KIAA0825: variants seen among roughly 807,000 people sequenced by gnomAD.
The protein encoded by KIAA0825 is uncharacterized protein KIAA0825.
A neutral mutation model predicts 147.6 loss-of-function variants in KIAA0825; 119 were observed. The observed-to-expected ratio is 0.81, with a 90% CI of 0.69 to 0.94. The LOEUF (loss-of-function observed/expected upper bound fraction) is 0.94, where lower values mean the gene tolerates loss of function less well. Among genes scored for constraint, KIAA0825 ranks in the 40% least tolerant of loss-of-function variants. The probability of loss-of-function intolerance (pLI) is 0.00; values close to 1 mark genes in which losing one functional copy is unlikely to be tolerated. For synonymous variants in KIAA0825, 470 were observed against 518.1 expected, an observed-to-expected ratio of 0.91 and a Z score of 1.26; for missense variants, 1,381 against 1,472.7, an observed-to-expected ratio of 0.94 and a Z score of 1.02.
At chr5:94,430,513 C>T (rs150510264) in intron 14 of KIAA0825, among the ~76,000 whole-genome samples, 1 of 152,226 alleles carries the variant, frequency 6.6e-6, no homozygotes, top group Non-Finnish European at 1.5e-5. Context: ...ATCAAGTGCG[C>T]AATTTACTCA....
At chr5:94,471,810 C>T in intron 8 of KIAA0825, 79 bp from the exon 9 acceptor site, 1 of 1,288,840 alleles carries the variant, frequency 7.8e-7, no homozygotes, top group African/African-American at 1.5e-5. Context: ...GAGCCAAATT[C>T]CTAAATAATG....
chr5:94,391,764 G>A, intron 17 of KIAA0825, 70 bp from the exon 18 acceptor site: 5 of 1,232,012 alleles, frequency 4.1e-6, no homozygotes, highest in South Asian at 3.2e-5. Context: ...TCATGGAGAT[G>A]GAGTGTGGAG....
chr5:94,520,053 A>T (rs1194315406), intron 5 of KIAA0825, 195 bp downstream of exon 5: 2 of 1,137,956 alleles, frequency 1.8e-6, no homozygotes, highest in Non-Finnish European at 2.2e-6. Flanking sequence ...TAACAATTTA[A>T]TAAGAAAGAA....
intron 20 of KIAA0825, among the ~76,000 whole-genome samples, chr5:94,303,026 T>A (rs73773620): frequency 0.01 from 1,577 of 152,084 alleles, 23 homozygotes; most frequent in African/African-American, 0.036. Flanking sequence ...AGACACATTG[T>A]TTACATTACT....
intron 3 of KIAA0825, among the ~76,000 whole-genome samples, chr5:94,531,062 T>C (rs1458856249): frequency 3.3e-5 from 5 of 152,210 alleles, no homozygotes; most frequent in Non-Finnish European, 5.9e-5. Flanking sequence ...AATTCTCTAT[T>C]GTCTTATGCT....
chr5:94,612,430 T>C (rs1789100339), intron 1 of KIAA0825, among the ~76,000 whole-genome samples: 1 of 152,132 alleles, frequency 6.6e-6, no homozygotes, highest in South Asian at 2.1e-4. Context: ...ACTTTGATAT[T>C]CTTACTCAAC....
chr5:94,519,406 AT>A, intron 5 of KIAA0825: 1 of 920,064 alleles, frequency 1.1e-6, no homozygotes, highest in Non-Finnish European at 1.3e-6. Flanking sequence ...ACTAATGATA[AT>A]TTTAGAAATA....
At chr5:94,513,201 G>C (rs1193030415) in intron 5 of KIAA0825, among the ~76,000 whole-genome samples, 1 of 151,954 alleles carries the variant, frequency 6.6e-6, no homozygotes, top group African/African-American at 2.4e-5. Context: ...TTTTTAAATA[G>C]ATAATTTATT....
chr5:94,226,704 AAAAC>A (rs1365663516), intron 20 of KIAA0825, among the ~76,000 whole-genome samples: 2 of 152,126 alleles, frequency 1.3e-5, no homozygotes, highest in Admixed American at 6.5e-5. Flanking sequence ...TTACAAGAAA[AAAAC>A]AAACAACCCC....
In KIAA0825 at chr5:94,264,150, G is replaced by A. The variant is rs146582192; in HGVS notation, c.3711-110026C>T. ...TCAATCTCATGAGTCATCTCTTAACGTACAATCTTTTCTGTCTGCCCCCAA... is the reference window on the plus strand; with the variant it reads ...TCAATCTCATGAGTCATCTCTTAACATACAATCTTTTCTGTCTGCCCCCAA... On this transcript the variant is annotated intron_variant, in intron 20 of 20. Coordinates refer to ENST00000682413, the MANE Select transcript of KIAA0825 (RefSeq NM_001145678.3). Among the ~76,000 whole-genome samples the A allele has an allele frequency of 1.8e-3, 281 of 152,048 alleles. 4 individuals are homozygous for A. Among genetic ancestry groups the A allele is most frequent in the African/African-American group, 6.3e-3 (263 of 41,470 alleles).
At chr5:94,404,410 G>A (rs1032714066) in intron 15 of KIAA0825, among the ~76,000 whole-genome samples, 5 of 151,902 alleles carry the variant, frequency 3.3e-5, no homozygotes, top group African/African-American at 7.3e-5. Flanking sequence ...TATCAATGAC[G>A]GATGGAATTT....
chr5:94,214,491 C>T (rs1773030119), intron 20 of KIAA0825, among the ~76,000 whole-genome samples: 1 of 152,152 alleles, frequency 6.6e-6, no homozygotes, highest in Non-Finnish European at 1.5e-5. Context: ...TCCCTTCCCC[C>T]AATACCTGAA....
chr5:94,445,440 T>C (rs568400642), intron 13 of KIAA0825, among the ~76,000 whole-genome samples: 1 of 152,250 alleles, frequency 6.6e-6, no homozygotes, highest in Admixed American at 6.5e-5. Context: ...GAAGAAGATG[T>C]TTCAAGATGG....
rs1041973743 is a variant in KIAA0825, at chr5:94,600,919, A to C, written c.-153+17581T>G. Among the ~76,000 whole-genome samples the C allele has an allele frequency of 5.3e-5, 8 of 152,140 alleles. No homozygotes were observed. In the East Asian group the frequency reaches 7.7e-4, roughly 15 times the overall value. ...ATTCTCTAGCCCACAGAGGTTTGAAAATTTCCTGGGAAAGAGTTTCTAGAG... is the reference window on the plus strand; with the variant it reads ...ATTCTCTAGCCCACAGAGGTTTGAACATTTCCTGGGAAAGAGTTTCTAGAG... On this transcript the variant is annotated intron_variant, in intron 1 of 20. Transcript: ENST00000682413.
At chr5:94,446,865 T>C (rs1448357411) in intron 13 of KIAA0825, among the ~76,000 whole-genome samples, 1 of 152,142 alleles carries the variant, frequency 6.6e-6, no homozygotes, top group Non-Finnish European at 1.5e-5. Context: ...AAAATGCTAG[T>C]GGTCACTGGA....
chr5:94,462,349 A>G, intron 12 of KIAA0825, 38 bp downstream of exon 12: 1 of 1,048,732 alleles, frequency 9.5e-7, no homozygotes, highest in Non-Finnish European at 1.3e-6. Context: ...ATCACGTTAT[A>G]TCATAATAGC....
chr5:94,345,957 A>G (rs1045540791), intron 20 of KIAA0825, among the ~76,000 whole-genome samples: 16 of 152,270 alleles, frequency 1.1e-4, no homozygotes, highest in African/African-American at 3.6e-4. Context: ...TTAGAACAGA[A>G]CAGAACAGGG....
chr5:94,429,243 G>A (rs1199926856), intron 14 of KIAA0825, among the ~76,000 whole-genome samples: 2 of 152,076 alleles, frequency 1.3e-5, no homozygotes, highest in Non-Finnish European at 2.9e-5. Context: ...GCAATCCTTT[G>A]GTGGTGTCAC....
At chr5:94,463,786 T>C (rs1760124033) in intron 11 of KIAA0825, among the ~76,000 whole-genome samples, 1 of 151,836 alleles carries the variant, frequency 6.6e-6, no homozygotes, top group Non-Finnish European at 1.5e-5. Flanking sequence ...TTTCATGAGG[T>C]AACAGTAAAG....
Sources: allele counts gnomAD v4.1 joint callset (sites outside exome capture counted in the v4.1 genomes callset), GRCh38; gene constraint gnomAD v4.1.1; transcripts MANE v1.5; gene names NCBI Gene and HGNC (gene_info 2026-07-23, HGNC 2026-07-21).